The following TNFAIP8L3 variants were observed in gnomAD, a reference collection of about 807,000 sequenced individuals.
The protein encoded by TNFAIP8L3 is TNF alpha induced protein 8 like 3.
TNFAIP8L3 carries 7 observed loss-of-function variants against 11.8 expected under a neutral mutation model. The ratio of observed to expected loss-of-function variants is 0.59; its 90% CI spans 0.34 to 1.11. TNFAIP8L3 has a LOEUF of 1.11. TNFAIP8L3 is among the 50% of genes most tolerant of loss of function. The pLI, the probability that TNFAIP8L3 is intolerant of heterozygous loss-of-function variation, is 0.03. For synonymous variants in TNFAIP8L3, 98 were observed against 103.8 expected (o/e 0.94, Z 0.34); for missense variants, 219 against 258.6 (o/e 0.85, Z 1.05).
rs1176684327 is a variant in TNFAIP8L3 at position 51,057,441 on chromosome 15, A to G, written c.*440T>C. 1 of 158,014 alleles carries G rather than the reference A, an allele frequency of 6.3e-6. No individual in the cohort carries two copies. The highest frequency in any genetic ancestry group is 2.4e-5 in the African/African-American group (1 of 41,564). The allele number at this position is 158,014 out of a possible 1,614,324, so 9.8% of individuals were successfully genotyped here. On this transcript the variant is annotated 3_prime_UTR_variant, in exon 2 of 2. Coordinates refer to ENST00000637513, the MANE Select transcript of TNFAIP8L3 (RefSeq NM_001311175.2). Reference sequence around the variant, plus strand: ...AATTAGAGATTCCAAAAGTATGAACATACATCATCTCATCTGGTCCTCACA... The same window carrying G: ...AATTAGAGATTCCAAAAGTATGAACGTACATCATCTCATCTGGTCCTCACA...
upstream of TNFAIP8L3, among the ~76,000 whole-genome samples, chr15:51,097,951 A>G (rs1358342139): frequency 6.6e-6 from 1 of 152,146 alleles, no homozygotes; most frequent in Non-Finnish European, 1.5e-5. Flanking sequence ...GCAGACTTGA[A>G]TCTAGAGTCT....
Position 51,066,384 on chromosome 15 carries a change from G to A in TNFAIP8L3, c.53-7941C>T, listed in dbSNP as rs112707541. Among the ~76,000 whole-genome samples, 736 of 152,098 alleles carry A rather than the reference G, an allele frequency of 4.8e-3. 2 individuals carry two copies. Among genetic ancestry groups the A allele is most frequent in the African/African-American group, 0.017 (695 of 41,492 alleles). On this transcript the variant is annotated intron_variant, in intron 1 of 1. Coordinates refer to ENST00000637513, the MANE Select transcript of TNFAIP8L3 (RefSeq NM_001311175.2). ...CAACATGTTGGCCAGGCTGGTCTAC[G>A]AACTCCTGACCTCGTGATCCACCCG...
chr15:51,058,505 A>G (rs956445407), intron 1 of TNFAIP8L3, 62 bp from the exon 2 acceptor site: 17 of 1,331,720 alleles, frequency 1.3e-5, no homozygotes, highest in Non-Finnish European at 1.5e-5. Context: ...TTACTTTTCC[A>G]CAAGTAAAAC....
chr15:51,104,210 T>C (rs1176980717), intron 1 of TNFAIP8L3, among the ~76,000 whole-genome samples: 2 of 152,144 alleles, frequency 1.3e-5, no homozygotes, highest in South Asian at 2.1e-4. Context: ...AGTCTCTTGA[T>C]TTTACCCTTT....
intron 1 of TNFAIP8L3, among the ~76,000 whole-genome samples, chr15:51,059,869 C>T (rs2065231756): frequency 6.6e-6 from 1 of 152,234 alleles, no homozygotes; most frequent in African/African-American, 2.4e-5. Flanking sequence ...TTGTCCTTGT[C>T]TGGTCCCTCC....
chr15:51,062,979 G>C (rs917167515), intron 1 of TNFAIP8L3, among the ~76,000 whole-genome samples: 1 of 152,148 alleles, frequency 6.6e-6, no homozygotes, highest in African/African-American at 2.4e-5. Context: ...GAGTGACATG[G>C]TGGCTGGCTC....
At chr15:51,058,509 G>A (rs989643935) in intron 1 of TNFAIP8L3, 66 bp from the exon 2 acceptor site, 6 of 1,315,984 alleles carry the variant, frequency 4.6e-6, no homozygotes, top group African/African-American at 1.5e-5. Context: ...TTTTCCACAA[G>A]TAAAACACAC....
At chr15:51,076,921 C>T (rs28485299) in intron 1 of TNFAIP8L3, among the ~76,000 whole-genome samples, 2,732 of 152,258 alleles carry the variant, frequency 0.018, 95 homozygotes, top group African/African-American at 0.064. Flanking sequence ...CATCTGGGCA[C>T]GCATCAGATG....
exon 1 of TNFAIP8L3, chr15:51,105,222 C>A (rs757831883): frequency 6.3e-7 from 1 of 1,597,334 alleles, no homozygotes; most frequent in Non-Finnish European, 8.5e-7. Flanking sequence ...AACTTGCACA[C>A]TGACTCTTTA....
At chr15:51,073,510 A>T (rs1298640386) in intron 1 of TNFAIP8L3, among the ~76,000 whole-genome samples, 1 of 152,178 alleles carries the variant, frequency 6.6e-6, no homozygotes, top group African/African-American at 2.4e-5. Context: ...GTTATTAATG[A>T]TGCATAGGAA....
chr15:51,090,294 T>G (rs2065458782), intron 1 of TNFAIP8L3, among the ~76,000 whole-genome samples: 1 of 152,190 alleles, frequency 6.6e-6, no homozygotes, highest in Admixed American at 6.5e-5. Flanking sequence ...ATTTGCACCC[T>G]CCCTCTTCCA....
At chr15:51,090,504 G>C (rs753267603) in intron 1 of TNFAIP8L3, among the ~76,000 whole-genome samples, 1 of 152,106 alleles carries the variant, frequency 6.6e-6, no homozygotes, top group Non-Finnish European at 1.5e-5. Flanking sequence ...CCCTGTACTC[G>C]CTTAGCTTTA....
chr15:51,062,689 T>TA (rs887030668), intron 1 of TNFAIP8L3, among the ~76,000 whole-genome samples: 1 of 152,208 alleles, frequency 6.6e-6, no homozygotes, highest in Non-Finnish European at 1.5e-5. Flanking sequence ...TACATAAATT[T>TA]AAAAAACACT....
chr15:51,058,341 G>A lies in TNFAIP8L3; in HGVS notation c.155C>T (p.Thr52Ile). Reference protein sequence around the residue: ...KTVANMLIDDTSSEIFDELYK... With the variant: ...KTVANMLIDDISSEIFDELYK... Reference sequence around the variant, plus strand: ...GAGCTCATCAAAGATCTCGCTGCTGGTGTCATCAATCAACATGTTGGCCAC... The same window carrying A: ...GAGCTCATCAAAGATCTCGCTGCTGATGTCATCAATCAACATGTTGGCCAC... The change falls in exon 2 of 2, where the codon ACC becomes ATC. Residue 52 changes from threonine (T) to isoleucine (I), a missense_variant. Coordinates refer to ENST00000637513, the MANE Select transcript of TNFAIP8L3 (RefSeq NM_001311175.2). The A allele has an allele frequency of 6.2e-7, 1 of 1,614,092 alleles. No homozygotes were observed. Among genetic ancestry groups the A allele is most frequent in the Non-Finnish European group, 8.5e-7 (1 of 1,180,034 alleles).
intron 1 of TNFAIP8L3, among the ~76,000 whole-genome samples, chr15:51,079,334 CT>C (rs2065375922): frequency 6.6e-6 from 1 of 152,208 alleles, no homozygotes; most frequent in African/African-American, 2.4e-5. Flanking sequence ...CACTTATCAC[CT>C]TGTGGAGCAA....
chr15:51,089,712 TTCTTAGGAGGTTCC>T, intron 1 of TNFAIP8L3, among the ~76,000 whole-genome samples: 1 of 152,220 alleles, frequency 6.6e-6, no homozygotes, highest in East Asian at 1.9e-4. Context: ...TAGGGCAAAG[TTCTTAGGAGGTTCC>T]TCAAGATGCT....
At chr15:51,059,861 G>T (rs1346989615) in intron 1 of TNFAIP8L3, among the ~76,000 whole-genome samples, 4 of 152,224 alleles carry the variant, frequency 2.6e-5, no homozygotes, top group African/African-American at 9.6e-5. Context: ...GGCTTCTGTT[G>T]TCCTTGTCTG....
chr15:51,061,843 G>A (rs191826834), intron 1 of TNFAIP8L3, among the ~76,000 whole-genome samples: 7 of 152,192 alleles, frequency 4.6e-5, no homozygotes, highest in African/African-American at 1.2e-4. Context: ...AAGAAATGAA[G>A]TTTTATTGGA....
chr15:51,094,542 A>G lies in TNFAIP8L3; in HGVS notation c.52+2T>C. On this transcript the variant is annotated splice_donor_variant, in intron 1 of 1. Coordinates refer to ENST00000637513, the MANE Select transcript of TNFAIP8L3 (RefSeq NM_001311175.2). LOFTEE classifies it high-confidence loss of function. This position sits in a 1 kb window ranked among gnomAD's most constrained non-coding sequence, Gnocchi z 4.4. ...GCCTGGGCCGTCGCGGCCCCTAGGTACCTGCGGCGGTCACGGGCTCGCCCT... is the reference window on the plus strand; with the variant it reads ...GCCTGGGCCGTCGCGGCCCCTAGGTGCCTGCGGCGGTCACGGGCTCGCCCT... The G allele has an allele frequency of 6.7e-7, 1 of 1,499,658 alleles. No homozygotes were observed. Among genetic ancestry groups the G allele is most frequent in the African/African-American group, 1.4e-5 (1 of 69,124 alleles). The allele number at this position is 1,499,658 out of a possible 1,614,324, so 92.9% of individuals were successfully genotyped here. A position where few individuals can be genotyped will look rare whatever the true frequency, so the allele number is the denominator to read the frequency against.
Sources: gnomAD v4.1 joint callset for allele counts (sites outside exome capture counted in the v4.1 genomes callset) on GRCh38, gnomAD v4.1.1 for gene constraint, Gnocchi (gnomAD v3.1) non-coding constraint, MANE v1.5 for transcripts, NCBI Gene and HGNC (gene_info 2026-07-23, HGNC 2026-07-21) for gene names.